Variants in GNB4 observed in about 807,000 individuals in gnomAD.
GNB4 encodes guanine nucleotide-binding protein subunit beta-4.
A neutral mutation model predicts 45.2 loss-of-function variants in GNB4; 28 were observed. The observed-to-expected ratio is 0.62, with a 90% confidence interval of 0.46 to 0.85. The LOEUF (loss-of-function observed/expected upper bound fraction) is 0.85, where lower values mean the gene tolerates loss of function less well. Ranked by LOEUF, GNB4 falls within the 40% of genes least tolerant of loss-of-function variation. The pLI is 0.00. For synonymous variants in GNB4, 132 were observed against 143.7 expected (o/e 0.92, Z 0.58); for missense variants, 321 against 425.4 (o/e 0.75, Z 2.16).
chr3:179,422,932 A>T (rs577653144), intron 2 of GNB4, among the ~76,000 whole-genome samples: 1 of 152,146 alleles, frequency 6.6e-6, no homozygotes, highest in East Asian at 1.9e-4. Context: ...AGCTGGGACT[A>T]TAGGTACCCA....
the GNB4 span, among the ~76,000 whole-genome samples, chr3:179,456,952 G>A: frequency 1.3e-5 from 2 of 152,184 alleles, no homozygotes; most frequent in Non-Finnish European, 1.5e-5. Flanking sequence ...TGATGGAAAC[G>A]ATTGCTTTGA....
At chr3:179,405,445 A>G (rs769294734) in intron 8 of GNB4, 39 bp from the exon 9 acceptor site, 1 of 1,375,744 alleles carries the variant, frequency 7.3e-7, no homozygotes, top group South Asian at 1.3e-5. Context: ...CTACAGATGT[A>G]TGCACAATCA....
chr3:179,430,230 T>C (rs1233120545), intron 1 of GNB4, among the ~76,000 whole-genome samples: 1 of 151,738 alleles, frequency 6.6e-6, no homozygotes, highest in Non-Finnish European at 1.5e-5. Flanking sequence ...AGCCCACAGG[T>C]GGGCACTACC....
chr3:179,472,614 C>T, the GNB4 span, among the ~76,000 whole-genome samples: 5 of 152,058 alleles, frequency 3.3e-5, no homozygotes, highest in East Asian at 1.9e-4. Flanking sequence ...TCTGCCTGCA[C>T]CAGCCTCCCA....
the GNB4 span, among the ~76,000 whole-genome samples, chr3:179,521,535 G>T: frequency 6.6e-6 from 1 of 152,114 alleles, no homozygotes; most frequent in African/African-American, 2.4e-5. Flanking sequence ...CTTCTGTCTA[G>T]TCATACTCCT....
At chr3:179,462,665 C>A in the GNB4 span, among the ~76,000 whole-genome samples, 6 of 152,174 alleles carry the variant, frequency 3.9e-5, no homozygotes, top group East Asian at 1.2e-3. Context: ...ATGGTGAAAT[C>A]CCGTCTCTAC....
chr3:179,398,164 G>A lies in GNB4; in HGVS notation c.*3049C>T, dbSNP rs1714177671. On this transcript the variant is annotated 3_prime_UTR_variant, in exon 10 of 10. Transcript: ENST00000232564. ...AAACTACTCTTCTTGACATGCTACAGAGTCAACAAATTAACCTTCTCAGGC... is the reference window on the plus strand; with the variant it reads ...AAACTACTCTTCTTGACATGCTACAAAGTCAACAAATTAACCTTCTCAGGC... 1 of 152,148 alleles carries A rather than the reference G, an allele frequency of 6.6e-6. No individual in the cohort carries two copies. Among genetic ancestry groups the A allele is most frequent in the Admixed American group, 6.5e-5 (1 of 15,280 alleles). The allele number at this position is 152,148 out of a possible 1,614,324, so 9.4% of individuals were successfully genotyped here.
At chr3:179,412,002 G>A (rs1577027876) in intron 8 of GNB4, among the ~76,000 whole-genome samples, 1 of 151,966 alleles carries the variant, frequency 6.6e-6, no homozygotes, top group Non-Finnish European at 1.5e-5. Flanking sequence ...CCTCAATTCT[G>A]ACCATTTGAT....
the GNB4 span, among the ~76,000 whole-genome samples, chr3:179,478,925 C>T: frequency 6.6e-6 from 1 of 152,166 alleles, no homozygotes; most frequent in African/African-American, 2.4e-5. Context: ...CTTCTTCCAG[C>T]TCCAGCCATG....
At chr3:179,519,664 A>G in the GNB4 span, among the ~76,000 whole-genome samples, 327 of 152,160 alleles carry the variant, frequency 2.1e-3, 3 homozygotes, top group African/African-American at 7.1e-3. Context: ...AACTATTCCT[A>G]GGCTACAGCC....
chr3:179,520,007 A>G, the GNB4 span, among the ~76,000 whole-genome samples: 1 of 152,184 alleles, frequency 6.6e-6, no homozygotes, highest in African/African-American at 2.4e-5. Context: ...GCGCCTTATC[A>G]ACCAAATTGT....
chr3:179,414,531 C>T (rs1714738747), intron 6 of GNB4, among the ~76,000 whole-genome samples: 1 of 152,142 alleles, frequency 6.6e-6, no homozygotes, highest in Admixed American at 6.5e-5. Context: ...ACTAATGTAC[C>T]TTAATGCATA....
chr3:179,447,552 C>T (rs1400918494), intron 1 of GNB4, among the ~76,000 whole-genome samples: 2 of 151,946 alleles, frequency 1.3e-5, no homozygotes, highest in African/African-American at 2.4e-5. Context: ...TGGGTTCTGA[C>T]GACTGAGATA....
chr3:179,456,907 C>A, the GNB4 span, among the ~76,000 whole-genome samples: 1 of 152,156 alleles, frequency 6.6e-6, no homozygotes, highest in East Asian at 1.9e-4. Context: ...TATGGAAGTA[C>A]CACAGTTGGT....
chr3:179,430,163 G>A (rs1372650165), intron 1 of GNB4, among the ~76,000 whole-genome samples: 2 of 151,668 alleles, frequency 1.3e-5, no homozygotes, highest in African/African-American at 2.4e-5. Flanking sequence ...GTGGTTAACT[G>A]CAGCTTCAAC....
the GNB4 span, among the ~76,000 whole-genome samples, chr3:179,469,780 T>A: frequency 2.6e-5 from 4 of 152,078 alleles, no homozygotes; most frequent in East Asian, 7.7e-4. Context: ...CTCTAGCACC[T>A]AGTAATACAG....
At chr3:179,489,615 T>C in the GNB4 span, among the ~76,000 whole-genome samples, 2 of 152,330 alleles carry the variant, frequency 1.3e-5, no homozygotes, top group Admixed American at 6.5e-5. Context: ...TATTCTAGCC[T>C]GGGTGACAAA....
intron 1 of GNB4, among the ~76,000 whole-genome samples, chr3:179,447,853 A>C (rs1452606330): frequency 6.6e-6 from 1 of 152,258 alleles, no homozygotes; most frequent in East Asian, 1.9e-4. Flanking sequence ...TAGCCTCAGC[A>C]ACTGGTGGAT....
chr3:179,438,973 T>G (rs939172805), intron 1 of GNB4, among the ~76,000 whole-genome samples: 1 of 152,218 alleles, frequency 6.6e-6, no homozygotes, highest in African/African-American at 2.4e-5. Flanking sequence ...CCAGGGTTGA[T>G]AACCACTAAT....
Sources: allele counts gnomAD v4.1 joint callset (sites outside exome capture counted in the v4.1 genomes callset), GRCh38; gene constraint gnomAD v4.1.1; transcripts MANE v1.5; gene names NCBI Gene and HGNC (gene_info 2026-07-23, HGNC 2026-07-21).